Variants in MICALL1 observed in about 807,000 individuals in gnomAD.
The protein encoded by MICALL1 is MICAL-like protein 1.
MICALL1 carries 61 observed loss-of-function variants against 83.7 expected under a neutral mutation model. That is an observed-to-expected ratio of 0.73 (90% confidence interval 0.59 to 0.90). The LOEUF (loss-of-function observed/expected upper bound fraction) is 0.90. Ranked by LOEUF, MICALL1 falls within the 40% of genes least tolerant of loss-of-function variation. The pLI is 0.00. For missense variants in MICALL1, 1,066 were observed against 1,152.0 expected, an observed-to-expected ratio of 0.93 and a Z score of 1.08; for synonymous variants, 481 against 473.6, an observed-to-expected ratio of 1.02 and a Z score of -0.20.
In MICALL1 at chr22:37,928,009, G is replaced by T. The variant is rs570073656; in HGVS notation, c.1881+183G>T. ...TGCAAGCTCTGCCTCCTGGGTTCAC[G>T]CCATTCTCCTGCCTGAGCCCCCAAG... On this transcript the variant is annotated intron_variant, in intron 9 of 15. Coordinates refer to ENST00000215957, the MANE Select transcript of MICALL1 (RefSeq NM_033386.4). Among the ~76,000 whole-genome samples the T allele has an allele frequency of 8.7e-4, 131 of 150,588 alleles. 1 individual carries two copies. Among genetic ancestry groups the T allele is most frequent in the Non-Finnish European group, 9.2e-4 (62 of 67,608 alleles).
chr22:37,919,635 C>CAA (rs34083064), intron 5 of MICALL1, among the ~76,000 whole-genome samples: 4,842 of 59,124 alleles, frequency 0.082, 375 homozygotes, highest in African/African-American at 0.12. Flanking sequence ...GACTCTGTCT[C>CAA]AAAAAAAAAA....
At chr22:37,911,045 C>G (rs886263683) in intron 1 of MICALL1, among the ~76,000 whole-genome samples, 2 of 152,168 alleles carry the variant, frequency 1.3e-5, no homozygotes, top group African/African-American at 4.8e-5. Flanking sequence ...GGCGGGAAGA[C>G]TGAGCTGTCT....
rs775163590 is a variant in MICALL1 at position 37,927,684 on chromosome 22, G to T, written c.1739G>T (p.Gly580Val). Reference protein sequence around the residue: ...RVEQMPQASPGLAPRTRGSSG... With the variant: ...RVEQMPQASPVLAPRTRGSSG... ...GAACAAATGCCTCAAGCCAGCCCTG[G>T]CCTTGCCCCCAGGACCAGGGGCAGC... The change falls in exon 9 of 16, where the codon GGC (glycine) becomes GTC (valine). Residue 580 changes from glycine to valine, a missense_variant. Physicochemically the swap from Gly to Val is moderately radical, Grantham distance 109. Coordinates refer to ENST00000215957, the MANE Select transcript of MICALL1 (RefSeq NM_033386.4). The T allele has an allele frequency of 6.2e-7, 1 of 1,614,144 alleles. No individual in the cohort carries two copies. Among genetic ancestry groups the T allele is most frequent in the East Asian group, 2.2e-5 (1 of 44,882 alleles).
In MICALL1 at chr22:37,940,824, G is replaced by A. The variant is rs752569572; in HGVS notation, c.2586G>A (p.Lys862=). ...RDAKSKSPRD[K]S is the part of the protein sequence containing the mutation. ...CCAAGAGCAAGTCCCCCAGAGACAA[G>A]AGCTAACAGCACGAGAAGCCAGTTG... The change falls in exon 16 of 16, where the codon AAG becomes AAA. Residue 862 remains lysine, a synonymous_variant. Transcript: ENST00000215957. 68 of 1,613,770 alleles carry A rather than the reference G, an allele frequency of 4.2e-5. No homozygotes were observed. The highest frequency in any genetic ancestry group is 5.5e-5 in the Non-Finnish European group (65 of 1,179,846).
chr22:37,938,378 G>T (rs1204618215), intron 15 of MICALL1, among the ~76,000 whole-genome samples: 1 of 149,808 alleles, frequency 6.7e-6, no homozygotes. Context: ...CTCCAGCCTG[G>T]GTGACAGAGC....
Position 37,932,424 on chromosome 22 carries a change from T to C in MICALL1, c.2017-129T>C. 1 of 1,451,940 alleles carries C rather than the reference T, an allele frequency of 6.9e-7. No homozygotes were observed. Among genetic ancestry groups the C allele is most frequent in the Non-Finnish European group, 9.3e-7 (1 of 1,080,418 alleles). The allele number at this position is 1,451,940 out of a possible 1,614,324, so 89.9% of individuals were successfully genotyped here. A position where few individuals can be genotyped will look rare whatever the true frequency, so the allele number is the denominator to read the frequency against. ...CCTTCCCCACTGGGACCCTGCCTTC[T>C]TACCATGCTGGGGTGGGGGACAGGG... On this transcript the variant is annotated intron_variant, in intron 10 of 15. Transcript: ENST00000215957. This position sits in a 1 kb window ranked among gnomAD's most constrained non-coding sequence, Gnocchi z 4.4.
intron 2 of MICALL1, 40 bp from the exon 3 acceptor site, chr22:37,912,311 G>C: frequency 1.3e-6 from 2 of 1,571,798 alleles, no homozygotes; most frequent in South Asian, 1.2e-5. Context: ...TCCTCTTCCT[G>C]CTTCGGCTGC....
intron 3 of MICALL1, 133 bp from the exon 4 acceptor site, chr22:37,917,574 G>C (rs1362177126): frequency 1.3e-6 from 1 of 753,892 alleles, no homozygotes; most frequent in Non-Finnish European, 2.2e-6. Flanking sequence ...GCGGGAGCCA[G>C]CTCCTGTCCC....
chr22:37,916,483 C>T (rs1303145225), intron 3 of MICALL1, among the ~76,000 whole-genome samples: 1 of 152,184 alleles, frequency 6.6e-6, no homozygotes, highest in Non-Finnish European at 1.5e-5. Context: ...GTTCGACTCC[C>T]CCAGATGGTC....
Position 37,926,010 on chromosome 22 carries a change from C to G in MICALL1, c.1432C>G (p.Pro478Ala). 6.2e-7 allele frequency: 1 copy of G among 1,612,666 alleles called. No homozygotes were observed. Among genetic ancestry groups the G allele is most frequent in the African/African-American group, 1.3e-5 (1 of 75,022 alleles). ...PTSSPKTKKR[P>A]APRAPSASPL... is the part of the protein sequence containing the mutation. ...CAGCAGCCCCAAGACAAAGAAGCGC[C>G]CTGCCCCGCGCGCACCCAGCGCGTC... Residue 478 changes from proline to alanine, a missense_variant, in exon 8 of 16, where the codon CCT (proline) becomes GCT (alanine). Physicochemically the swap from Pro to Ala is conservative, Grantham distance 27. Coordinates refer to ENST00000215957, the MANE Select transcript of MICALL1 (RefSeq NM_033386.4).
rs759071883 is a variant in MICALL1 at position 37,925,825 on chromosome 22, C to G, written c.1247C>G (p.Thr416Arg). ...GAGGAGGTGGCCCAGCCGAGCCCAA[C>G]GGCCAGCCTGGAGTCCAAACCCTAT... The part of the protein sequence containing the change: ...GTEEVAQPSP[T>R]ASLESKPYNP... The change falls in exon 8 of 16, where the codon ACG (threonine) becomes AGG (arginine). Residue 416 changes from threonine (T) to arginine (R), a missense_variant. Transcript: ENST00000215957. The G allele has an allele frequency of 6.2e-7, 1 of 1,613,858 alleles. No individual in the cohort carries two copies. Among genetic ancestry groups the G allele is most frequent in the East Asian group, 2.2e-5 (1 of 44,868 alleles).
rs1281691671 is a variant in MICALL1, at chr22:37,924,381, AGAT to A, written c.1025-274_1025-272del. ...AGGAGGTGGCTCCCAGGCTGACTTG[AGAT>A]GATGTTTTCTGCCCACACTGGCGGG... is the stretch of plus-strand genomic sequence containing the variant. On this transcript the variant is annotated intron_variant, in intron 6 of 15. Transcript: ENST00000215957. The surrounding 1 kb of genome is among the most constrained non-coding windows in gnomAD (Gnocchi z 5.2). Among the ~76,000 whole-genome samples the A allele has an allele frequency of 1.3e-5, 2 of 152,060 alleles. No homozygotes were observed. Among genetic ancestry groups the A allele is most frequent in the African/African-American group, 4.8e-5 (2 of 41,410 alleles).
At chr22:37,933,765 AT>A in intron 13 of MICALL1, among the ~76,000 whole-genome samples, 1 of 152,234 alleles carries the variant, frequency 6.6e-6, no homozygotes, top group Admixed American at 6.5e-5. Flanking sequence ...CCACTTTCTT[AT>A]GGCTCAGGCA....
At chr22:37,916,851 C>T (rs1928707539) in intron 3 of MICALL1, among the ~76,000 whole-genome samples, 1 of 152,114 alleles carries the variant, frequency 6.6e-6, no homozygotes, top group East Asian at 1.9e-4. Context: ...CTGGCACCAA[C>T]CATAGTGTTA....
At chr22:37,919,598 T>G (rs1042181864) in intron 5 of MICALL1, among the ~76,000 whole-genome samples, 3 of 132,018 alleles carry the variant, frequency 2.3e-5, no homozygotes, top group African/African-American at 8.8e-5. Flanking sequence ...ATCGTGCTAC[T>G]GCATTCCAGC....
rs939970937 is a variant in MICALL1, at chr22:37,930,657, G to C, written c.1882-1142G>C. Among the ~76,000 whole-genome samples the C allele has an allele frequency of 6.6e-6, 1 of 152,246 alleles. No homozygotes were observed. On this transcript the variant is annotated intron_variant, in intron 9 of 15. Transcript: ENST00000215957. This position sits in a 1 kb window ranked among gnomAD's most constrained non-coding sequence, Gnocchi z 4.8. ...CCCGTGTGGTGGGCAGGGCCTTGCCGTGCCCTGGCAGTGGAGCTGCCCGGC... is the reference window on the plus strand; with the variant it reads ...CCCGTGTGGTGGGCAGGGCCTTGCCCTGCCCTGGCAGTGGAGCTGCCCGGC...
Position 37,932,866 on chromosome 22 carries a change from CGA to C in MICALL1, c.2216_2217del (p.Glu739ValfsTer18), listed in dbSNP as rs1569148193. The C allele has an allele frequency of 1.2e-6, 2 of 1,614,082 alleles. No individual in the cohort carries two copies. Among genetic ancestry groups the C allele is most frequent in the South Asian group, 2.2e-5 (2 of 91,084 alleles). On this transcript the variant is annotated frameshift_variant, in exon 12 of 16. Coordinates refer to ENST00000215957, the MANE Select transcript of MICALL1 (RefSeq NM_033386.4). LOFTEE classifies it high-confidence loss of function. The surrounding 1 kb of genome is among the most constrained non-coding windows in gnomAD (Gnocchi z 4.4). ...LIHEKHLLVRRESELIYVFKQ... is the reference protein window; with the variant it reads ...LIHEKHLLVRXESELIYVFKQ... Reference sequence around the variant, plus strand: ...CCACGAGAAGCACCTACTGGTGCGGCGAGAGTCCGAGCTCATCTATGTGTGAG... The same window carrying C: ...CCACGAGAAGCACCTACTGGTGCGGCGAGTCCGAGCTCATCTATGTGTGAG...
rs957186740 is a variant in MICALL1, at chr22:37,930,080, C to T, written c.1882-1719C>T. On this transcript the variant is annotated intron_variant, in intron 9 of 15. Coordinates refer to ENST00000215957, the MANE Select transcript of MICALL1 (RefSeq NM_033386.4). This position sits in a 1 kb window ranked among gnomAD's most constrained non-coding sequence, Gnocchi z 4.8. ...CCTGGTTCCTTGGTGGTGGAGGGCA[C>T]GGGGGTGGGTCACCTTCGGATTCTC... is the stretch of plus-strand genomic sequence containing the variant. 1.1e-4 allele frequency among the ~76,000 whole-genome samples: 16 copies of T among 152,244 alleles called. No individual in the cohort carries two copies. The highest frequency in any genetic ancestry group is 1.9e-4 in the East Asian group (1 of 5,184).
intron 4 of MICALL1, among the ~76,000 whole-genome samples, chr22:37,918,470 G>C (rs1394133456): frequency 2.0e-5 from 3 of 152,216 alleles, no homozygotes; most frequent in Admixed American, 2.0e-4. Flanking sequence ...GCTCCATGAG[G>C]GTACATGGGG....
Sources: allele counts gnomAD v4.1 joint callset (sites outside exome capture counted in the v4.1 genomes callset), GRCh38; gene constraint gnomAD v4.1.1; non-coding constraint Gnocchi (gnomAD v3.1); transcripts MANE v1.5; gene names NCBI Gene and HGNC (gene_info 2026-07-23, HGNC 2026-07-21).